CRADD: variants seen among roughly 807,000 people sequenced by gnomAD.
CRADD encodes death domain-containing protein CRADD.
A neutral mutation model predicts 15.5 loss-of-function variants in CRADD; 9 were observed. The ratio of observed to expected loss-of-function variants is 0.58; its 90% CI spans 0.35 to 1.01. The LOEUF is 1.01. Among genes scored for constraint, CRADD ranks in the 50% least tolerant of loss-of-function variants. The pLI, the probability that CRADD is intolerant of heterozygous loss-of-function variation, is 0.02. For missense variants in CRADD, 227 were observed against 250.3 expected, an observed-to-expected ratio of 0.91 and a Z score of 0.63; for synonymous variants, 118 against 107.6, an observed-to-expected ratio of 1.10 and a Z score of -0.60.
chr12:93,687,615 C>T (rs981663240), intron 2 of CRADD, among the ~76,000 whole-genome samples: 4 of 152,210 alleles, frequency 2.6e-5, no homozygotes, highest in East Asian at 1.9e-4. Flanking sequence ...TGGTTAGGAG[C>T]GTGCCTCCTT....
At chr12:93,695,355 C>A (rs931680292) in intron 2 of CRADD, among the ~76,000 whole-genome samples, 1 of 152,132 alleles carries the variant, frequency 6.6e-6, no homozygotes, top group African/African-American at 2.4e-5. Context: ...TATGAAACTA[C>A]TAGAAGAAAA....
At chr12:93,792,046 A>G (rs1957355729) in intron 2 of CRADD, among the ~76,000 whole-genome samples, 1 of 152,156 alleles carries the variant, frequency 6.6e-6, no homozygotes, top group Non-Finnish European at 1.5e-5. Flanking sequence ...AAGAATAGGA[A>G]TACTTCTGAG....
chr12:93,748,411 T>TA (rs1592957452), intron 2 of CRADD, among the ~76,000 whole-genome samples: 1 of 53,020 alleles, frequency 1.9e-5, no homozygotes, highest in East Asian at 5.2e-3. Context: ...GTTCAGGCGA[T>TA]TCCCCCCTGC....
chr12:93,737,243 T>G (rs937952801), intron 2 of CRADD, among the ~76,000 whole-genome samples: 2 of 152,204 alleles, frequency 1.3e-5, no homozygotes, highest in African/African-American at 2.4e-5. Flanking sequence ...ATTGCAAGTA[T>G]GAAGAAAGCT....
At chr12:93,872,506 A>T (rs1219508286) in intron 2 of CRADD, among the ~76,000 whole-genome samples, 1 of 152,112 alleles carries the variant, frequency 6.6e-6, no homozygotes, top group African/African-American at 2.4e-5. Context: ...GATTTTCGCC[A>T]ATGTTTTCTT....
intron 2 of CRADD, among the ~76,000 whole-genome samples, chr12:93,803,201 G>A (rs138468370): frequency 9.2e-5 from 14 of 152,228 alleles, no homozygotes; most frequent in East Asian, 5.8e-4. Flanking sequence ...TGCAGTTAAG[G>A]GAAACTGAGG....
At chr12:93,714,151 C>A (rs1159271124) in intron 2 of CRADD, among the ~76,000 whole-genome samples, 2 of 152,166 alleles carry the variant, frequency 1.3e-5, no homozygotes, top group African/African-American at 4.8e-5. Context: ...ATATAGGCTC[C>A]TTCTAGAGAT....
intron 2 of CRADD, among the ~76,000 whole-genome samples, chr12:93,781,429 G>A (rs1248427517): frequency 6.6e-6 from 1 of 152,182 alleles, no homozygotes; most frequent in Non-Finnish European, 1.5e-5. Context: ...TGCTAGAAAA[G>A]TTTTAAAAAC....
In CRADD at chr12:93,701,295, G is replaced by GACACACACAC. The variant is rs55986038; in HGVS notation, c.298+22251_298+22260dup. 9.2e-3 allele frequency among the ~76,000 whole-genome samples: 1,323 copies of GACACACACAC among 143,442 alleles called. 12 individuals carry two copies. Among genetic ancestry groups the GACACACACAC allele is most frequent in the African/African-American group, 0.018 (700 of 38,430 alleles). 94.1% of individuals were successfully genotyped at this position (143,442 alleles called of 152,430 possible). A position where few individuals can be genotyped will look rare whatever the true frequency, so the allele number is the denominator to read the frequency against. On this transcript the variant is annotated intron_variant, in intron 2 of 2. Transcript: ENST00000332896. ...CATATCCTTCTCTCTCTCTCTCTGT[G>GACACACACAC]ACACACACACACACACACACACACA... is the stretch of plus-strand genomic sequence containing the variant.
intron 2 of CRADD, among the ~76,000 whole-genome samples, chr12:93,763,872 C>T (rs960466226): frequency 4.6e-5 from 7 of 152,314 alleles, no homozygotes; most frequent in Admixed American, 4.6e-4. Flanking sequence ...GCTCTGAAAC[C>T]ACAGAAATGT....
At chr12:93,805,750 C>A (rs964882927) in intron 2 of CRADD, among the ~76,000 whole-genome samples, 1 of 152,102 alleles carries the variant, frequency 6.6e-6, no homozygotes, top group East Asian at 1.9e-4. Flanking sequence ...TGCTTAGTGC[C>A]CAGACCTTGT....
chr12:93,678,933 A>G lies in CRADD; in HGVS notation c.159A>G (p.Lys53=). The change falls in exon 2 of 3, where the codon AAA becomes AAG. Residue 53 remains lysine (K), a synonymous_variant. Coordinates refer to ENST00000332896, the MANE Select transcript of CRADD (RefSeq NM_003805.5). ...EINAQTTGLR[K]TMLLLDILPS... ...ATGCTCAAACCACAGGCCTCCGGAA[A>G]ACAATGCTCCTGCTGGATATCCTAC... 2 of 1,614,190 alleles carry G rather than the reference A, an allele frequency of 1.2e-6. No homozygotes were observed. The highest frequency in any genetic ancestry group is 1.7e-6 in the Non-Finnish European group (2 of 1,180,028).
At chr12:93,862,797 A>G (rs951052036) in intron 2 of CRADD, among the ~76,000 whole-genome samples, 1 of 152,236 alleles carries the variant, frequency 6.6e-6, no homozygotes, top group African/African-American at 2.4e-5. Flanking sequence ...GACACCACCT[A>G]TTAACATCTT....
At chr12:93,804,175 A>G (rs1957509275) in intron 2 of CRADD, among the ~76,000 whole-genome samples, 1 of 152,156 alleles carries the variant, frequency 6.6e-6, no homozygotes, top group South Asian at 2.1e-4. Flanking sequence ...AAATACATAC[A>G]TCTGTAGAGT....
chr12:93,891,205 A>G (rs1463337111), intron 2 of CRADD, among the ~76,000 whole-genome samples: 5 of 151,552 alleles, frequency 3.3e-5, no homozygotes, highest in Admixed American at 6.6e-5. Flanking sequence ...AAATCTTTTC[A>G]ATGGCGTGTG....
At chr12:93,763,554 T>A (rs1378600566) in intron 2 of CRADD, among the ~76,000 whole-genome samples, 1 of 152,232 alleles carries the variant, frequency 6.6e-6, no homozygotes, top group Non-Finnish European at 1.5e-5. Context: ...CTTTTTCTTC[T>A]TTTAATTCTT....
chr12:93,868,323 AAGG>A (rs1958388121), intron 2 of CRADD, among the ~76,000 whole-genome samples: 3 of 152,188 alleles, frequency 2.0e-5, no homozygotes, highest in Non-Finnish European at 4.4e-5. Flanking sequence ...CCACTCTTAT[AAGG>A]AGATTCATTC....
At chr12:93,794,809 C>T (rs186683435) in intron 2 of CRADD, among the ~76,000 whole-genome samples, 2 of 152,212 alleles carry the variant, frequency 1.3e-5, no homozygotes, top group Non-Finnish European at 2.9e-5. Context: ...CTGCCCCACC[C>T]TGCCAGGACT....
At chr12:93,805,575 T>TATAAATAAATAA (rs10671111) in intron 2 of CRADD, among the ~76,000 whole-genome samples, 2,084 of 150,162 alleles carry the variant, frequency 0.014, 103 homozygotes, top group Admixed American at 0.092. Context: ...GTTTTGTGTG[T>TATAAATAAATAA]ATAAATAAAT....
Sources: gnomAD v4.1 joint callset for allele counts (sites outside exome capture counted in the v4.1 genomes callset) on GRCh38, gnomAD v4.1.1 for gene constraint, MANE v1.5 for transcripts, NCBI Gene and HGNC (gene_info 2026-07-23, HGNC 2026-07-21) for gene names.